TESMIN: variants seen among roughly 807,000 people sequenced by gnomAD.
TESMIN encodes CXC domain containing 2.
Under a neutral mutation model 47.4 loss-of-function variants are expected in TESMIN, and 34 were observed. The ratio of observed to expected loss-of-function variants is 0.72; its 90% CI spans 0.55 to 0.96. The LOEUF is 0.96. TESMIN is among the 40% of genes least tolerant of loss of function. TESMIN has a pLI of 0.00. For missense variants in TESMIN, 610 were observed against 637.2 expected (o/e 0.96, Z 0.46); for synonymous variants, 278 against 258.9 (o/e 1.07, Z -0.71).
chr11:68,706,022 CAAAAAA>C (rs11306603), downstream of TESMIN, among the ~76,000 whole-genome samples: 6 of 84,440 alleles, frequency 7.1e-5, no homozygotes, highest in African/African-American at 1.4e-4. Flanking sequence ...GACTCCGTCT[CAAAAAA>C]AAAAAAAAAA....
chr11:68,747,056 C>T (rs1207643989), intron 3 of TESMIN, 152 bp downstream of exon 3: 7 of 734,870 alleles, frequency 9.5e-6, no homozygotes, highest in African/African-American at 7.0e-5. Context: ...GTGAAAGGCT[C>T]ATGTCCCTGT....
In TESMIN at chr11:68,707,664, C is replaced by T. The variant is rs572457748; in HGVS notation, c.*644G>A. On this transcript the variant is annotated 3_prime_UTR_variant, in exon 10 of 10. Coordinates refer to ENST00000255087, the MANE Select transcript of TESMIN (RefSeq NM_004923.3). The stretch of plus-strand genomic sequence containing the variant: ...AAGAAACTGGATAATTTTAAGTCCT[C>T]TAACTCAAGACATGCTGGTGCAAGC... 3.9e-5 allele frequency: 12 copies of T among 308,298 alleles called. No individual in the cohort carries two copies. The highest frequency in any genetic ancestry group is 3.2e-4 in the South Asian group (12 of 37,042). 19.1% of individuals were successfully genotyped at this position (308,298 alleles called of 1,614,324 possible). A position where few individuals can be genotyped will look rare whatever the true frequency, so the allele number is the denominator to read the frequency against.
chr11:68,750,759 G>A (rs1434768213), intron 1 of TESMIN, 60 bp from the exon 2 acceptor site: 6 of 830,240 alleles, frequency 7.2e-6, no homozygotes, highest in Admixed American at 3.8e-5. Flanking sequence ...GGGGCGGCCA[G>A]GAAAGGGGAC....
intron 9 of TESMIN, among the ~76,000 whole-genome samples, chr11:68,709,724 A>G (rs986260215): frequency 6.6e-6 from 1 of 152,218 alleles, no homozygotes; most frequent in African/African-American, 2.4e-5. Flanking sequence ...CCCTTGGGAA[A>G]AGAAGGGCTG....
At chr11:68,726,060 A>G (rs1946259550) in intron 6 of TESMIN, among the ~76,000 whole-genome samples, 1 of 152,122 alleles carries the variant, frequency 6.6e-6, no homozygotes, top group African/African-American at 2.4e-5. Context: ...AACTGTGGCA[A>G]ACACTTACAA....
At position 68,716,050 on chromosome 11, in the gene TESMIN, C is replaced by T. The variant is rs1189347542; in HGVS notation, c.918-111G>A. ...CGGGCAGTGTGCTGCAGTCAGAACACTGAACACTTTCATAGACGGCTCAGA... is the reference window on the plus strand; with the variant it reads ...CGGGCAGTGTGCTGCAGTCAGAACATTGAACACTTTCATAGACGGCTCAGA... On this transcript the variant is annotated intron_variant, in intron 6 of 9. Coordinates refer to ENST00000255087, the MANE Select transcript of TESMIN (RefSeq NM_004923.3). 3 of 692,960 alleles carry T rather than the reference C, an allele frequency of 4.3e-6. No individual in the cohort carries two copies. The African/African-American group carries it at 5.3e-5, about 12-fold the overall frequency. 42.9% of individuals were successfully genotyped at this position (692,960 alleles called of 1,614,324 possible).
chr11:68,748,577 CA>C (rs1057164779), intron 2 of TESMIN, among the ~76,000 whole-genome samples: 1 of 152,170 alleles, frequency 6.6e-6, no homozygotes, highest in African/African-American at 2.4e-5. Context: ...CCTTTCAAAA[CA>C]AAGGTCAACA....
chr11:68,746,177 AC>A (rs1946518057), intron 3 of TESMIN, among the ~76,000 whole-genome samples: 1 of 151,546 alleles, frequency 6.6e-6, no homozygotes, highest in African/African-American at 2.4e-5. Flanking sequence ...AGCTACACAC[AC>A]ACACACACAC....
chr11:68,718,486 G>C (rs952801262), intron 6 of TESMIN, among the ~76,000 whole-genome samples: 2 of 152,154 alleles, frequency 1.3e-5, no homozygotes, highest in African/African-American at 4.8e-5. Flanking sequence ...AGAGGAGAAA[G>C]CAACAGTGGG....
chr11:68,731,568 A>G (rs1446370003), intron 6 of TESMIN, among the ~76,000 whole-genome samples: 3 of 152,264 alleles, frequency 2.0e-5, no homozygotes, highest in African/African-American at 7.2e-5. Context: ...TAAGAAAATT[A>G]CATTCCATTG....
chr11:68,749,185 C>T (rs959324882), intron 2 of TESMIN, among the ~76,000 whole-genome samples: 40 of 152,236 alleles, frequency 2.6e-4, no homozygotes, highest in African/African-American at 9.2e-4. Flanking sequence ...TCCTGGGAAA[C>T]GGCTGGGGGA....
At chr11:68,737,941 A>C in intron 6 of TESMIN, 1 of 984,976 alleles carries the variant, frequency 1.0e-6, no homozygotes, top group African/African-American at 1.7e-5. Flanking sequence ...AACAAACAAA[A>C]AACAAGAAAA....
intron 6 of TESMIN, among the ~76,000 whole-genome samples, chr11:68,721,238 G>A (rs1318558369): frequency 6.6e-6 from 1 of 152,096 alleles, no homozygotes; most frequent in African/African-American, 2.4e-5. Context: ...TATAGTAGTG[G>A]TGTTGGTCTT....
intron 6 of TESMIN, among the ~76,000 whole-genome samples, chr11:68,729,944 G>A (rs909688933): frequency 6.6e-6 from 1 of 152,162 alleles, no homozygotes; most frequent in African/African-American, 2.4e-5. Flanking sequence ...GTCAGTTGAT[G>A]TGCCAAACTG....
intron 9 of TESMIN, among the ~76,000 whole-genome samples, chr11:68,710,134 A>T (rs1269735305): frequency 6.6e-6 from 1 of 152,144 alleles, no homozygotes; most frequent in African/African-American, 2.4e-5. Context: ...CTCCAGCCTG[A>T]GCAACTGAGT....
intron 6 of TESMIN, among the ~76,000 whole-genome samples, chr11:68,717,143 C>G (rs1015840590): frequency 6.6e-6 from 1 of 152,230 alleles, no homozygotes; most frequent in Non-Finnish European, 1.5e-5. Flanking sequence ...TTCCCAAACA[C>G]AATTCTTTTC....
At chr11:68,728,185 G>T (rs147491636) in intron 6 of TESMIN, among the ~76,000 whole-genome samples, 5 of 152,330 alleles carry the variant, frequency 3.3e-5, no homozygotes, top group Non-Finnish European at 7.3e-5. Flanking sequence ...CATGTCGAAA[G>T]CCAAGATAGG....
Position 68,713,333 on chromosome 11 carries a change from C to T in TESMIN, c.1095G>A (p.Gln365=), listed in dbSNP as rs1399818314. The part of the protein sequence containing the change: ...GKGQLGNVKP[Q]HNKGCNCRRS... Reference sequence around the variant, plus strand: ...TCCTGCAGTTGCACCCTTTGTTGTGCTGGGGCTTGACATTGCCCAATTGGC... The same window carrying T: ...TCCTGCAGTTGCACCCTTTGTTGTGTTGGGGCTTGACATTGCCCAATTGGC... Residue 365 remains glutamine (Q), a synonymous_variant, in exon 8 of 10, where the codon CAG becomes CAA. Coordinates refer to ENST00000255087, the MANE Select transcript of TESMIN (RefSeq NM_004923.3). 6.2e-7 allele frequency: 1 copy of T among 1,614,168 alleles called. No individual in the cohort carries two copies. Among genetic ancestry groups the T allele is most frequent in the Non-Finnish European group, 8.5e-7 (1 of 1,180,020 alleles).
At position 68,745,069 on chromosome 11, in the gene TESMIN, C is replaced by G. The variant is rs781580058; in HGVS notation, c.673G>C (p.Asp225His). 1.6e-5 allele frequency: 25 copies of G among 1,590,182 alleles called. No homozygotes were observed. Among genetic ancestry groups the G allele is most frequent in the Non-Finnish European group, 2.0e-5 (24 of 1,174,088 alleles). Residue 225 changes from aspartate to histidine, a missense_variant, in exon 4 of 10, where the codon GAC becomes CAC. Physicochemically the swap from Asp to His is moderately conservative, Grantham distance 81. Coordinates refer to ENST00000255087, the MANE Select transcript of TESMIN (RefSeq NM_004923.3). ...LKGGTQMLCI[D>H]NSRTRELKAL... ...TTTAGTTCTCTTGTTCTAGAATTGTCTATACATAGCATTTGTGTGCCCCCT... is the reference window on the plus strand; with the variant it reads ...TTTAGTTCTCTTGTTCTAGAATTGTGTATACATAGCATTTGTGTGCCCCCT...
Sources: allele counts gnomAD v4.1 joint callset (sites outside exome capture counted in the v4.1 genomes callset), GRCh38; gene constraint gnomAD v4.1.1; transcripts MANE v1.5; gene names NCBI Gene and HGNC (gene_info 2026-07-23, HGNC 2026-07-21).